DNAH14: variants seen among roughly 807,000 people sequenced by gnomAD.
The protein encoded by DNAH14 is dynein axonemal heavy chain 14.
Under a neutral mutation model 520.9 loss-of-function variants are expected in DNAH14, and 478 were observed. The ratio of observed to expected loss-of-function variants is 0.92; its 90% CI spans 0.85 to 0.99. The LOEUF is 0.99. Among genes scored for constraint, DNAH14 ranks in the 50% least tolerant of loss-of-function variants. The probability of loss-of-function intolerance (pLI) is 0.00; values close to 1 mark genes in which losing one functional copy is unlikely to be tolerated. For missense variants in DNAH14, 4,831 were observed against 5,234.5 expected (o/e 0.92, Z 2.38); for synonymous variants, 1,581 against 1,757.2 (o/e 0.90, Z 2.51).
intron 72 of DNAH14, among the ~76,000 whole-genome samples, chr1:225,352,549 G>A (rs958033820): frequency 2.6e-5 from 4 of 152,054 alleles, no homozygotes; most frequent in Non-Finnish European, 4.4e-5. Flanking sequence ...CTGCCAAGTT[G>A]CTTTCTTGAA....
intron 85 of DNAH14, among the ~76,000 whole-genome samples, 187 bp from the exon 86 acceptor site, chr1:225,398,867 T>G (rs548474451): frequency 2.0e-5 from 3 of 152,186 alleles, no homozygotes; most frequent in African/African-American, 7.2e-5. Flanking sequence ...CTCAATAATA[T>G]GTACTATAAA....
intron 23 of DNAH14, among the ~76,000 whole-genome samples, chr1:225,113,613 TGG>T (rs1208979816): frequency 1.3e-5 from 2 of 152,330 alleles, no homozygotes; most frequent in Middle Eastern, 3.4e-3. Context: ...AGATGCCATC[TGG>T]GAACCAGTAT....
At chr1:225,287,619 CTG>C (rs1278242736) in intron 54 of DNAH14, among the ~76,000 whole-genome samples, 1 of 152,074 alleles carries the variant, frequency 6.6e-6, no homozygotes, top group Non-Finnish European at 1.5e-5. Context: ...TATTTATTTG[CTG>C]TGTCAGCTGG....
At chr1:225,292,440 T>C (rs1044979946) in intron 55 of DNAH14, among the ~76,000 whole-genome samples, 6 of 152,178 alleles carry the variant, frequency 3.9e-5, no homozygotes, top group African/African-American at 1.2e-4. Context: ...GGTACTCTAT[T>C]CTATTCCATT....
At chr1:224,954,244 A>G (rs1015136990) in intron 2 of DNAH14, among the ~76,000 whole-genome samples, 8 of 152,186 alleles carry the variant, frequency 5.3e-5, no homozygotes, top group Admixed American at 4.6e-4. Context: ...TAAATGATCT[A>G]TAAATAAGTT....
Position 225,346,462 on chromosome 1 carries a change from T to G in DNAH14, c.11104T>G (p.Ser3702Ala). 1 of 1,545,230 alleles carries G rather than the reference T, an allele frequency of 6.5e-7. No homozygotes were observed. The highest frequency in any genetic ancestry group is 1.2e-5 in the South Asian group (1 of 82,528). ...TGTTATATTTTCCCTATAGGTGGTT[T>G]CTTCAGCTCTATTTAATGAAGATAA... ...MLTKSIFKVV[S>A]SALFNEDKLC... The change falls in exon 71 of 86, where the codon TCT (serine) becomes GCT (alanine). Residue 3702 changes from serine (S) to alanine (A), a missense_variant. Physicochemically the swap from Ser to Ala is moderately conservative, Grantham distance 99 (BLOSUM62 1). Transcript: ENST00000682510.
intron 21 of DNAH14, among the ~76,000 whole-genome samples, chr1:225,087,315 C>T (rs1377708414): frequency 1.3e-5 from 2 of 152,304 alleles, no homozygotes; most frequent in South Asian, 4.1e-4. Flanking sequence ...AACTAATCCA[C>T]CCCTGTGATC....
At chr1:225,336,075 T>TTATA (rs1558442330) in intron 66 of DNAH14, among the ~76,000 whole-genome samples, 1 of 140,096 alleles carries the variant, frequency 7.1e-6, no homozygotes, top group African/African-American at 2.8e-5. Context: ...ACATACATAC[T>TTATA]TATATATACA....
intron 23 of DNAH14, among the ~76,000 whole-genome samples, chr1:225,109,751 A>G (rs10915777): frequency 0.13 from 19,282 of 152,122 alleles, 1,597 homozygotes; most frequent in South Asian, 0.23. Flanking sequence ...ATTGAATAAC[A>G]GTGGGGAAAC....
chr1:225,097,761 G>A (rs1013650798), intron 22 of DNAH14, among the ~76,000 whole-genome samples: 8 of 151,652 alleles, frequency 5.3e-5, no homozygotes, highest in South Asian at 4.2e-4. Context: ...GCGACAGAGC[G>A]AGACTCTGTA....
In DNAH14 at chr1:225,079,565, T is replaced by G; in HGVS notation, c.2766+17T>G. The stretch of plus-strand genomic sequence containing the variant: ...AAAGCCAAGGTAAGTTTTTAGGGTT[T>G]TTTTGGATTTTTTTTTTATTAAAAA... On this transcript the variant is annotated intron_variant, in intron 18 of 85. Coordinates refer to ENST00000682510, the MANE Select transcript of DNAH14 (RefSeq NM_001367479.1). 6.7e-7 allele frequency: 1 copy of G among 1,493,284 alleles called. No homozygotes were observed. The allele number at this position is 1,493,284 out of a possible 1,614,324, so 92.5% of individuals were successfully genotyped here.
At chr1:225,184,774 A>G (rs2084477872) in intron 36 of DNAH14, among the ~76,000 whole-genome samples, 1 of 152,082 alleles carries the variant, frequency 6.6e-6, no homozygotes. Context: ...AGAGAAAGAA[A>G]GAAAGAAAGA....
At chr1:225,335,945 A>G (rs1018456354) in intron 66 of DNAH14, among the ~76,000 whole-genome samples, 22 of 122,044 alleles carry the variant, frequency 1.8e-4, no homozygotes, top group Admixed American at 3.4e-4. Context: ...ATATACATAT[A>G]TGTATATATA....
At chr1:224,963,866 A>G (rs143607790) in intron 4 of DNAH14, among the ~76,000 whole-genome samples, 1 of 152,114 alleles carries the variant, frequency 6.6e-6, no homozygotes, top group African/African-American at 2.4e-5. Flanking sequence ...TTTTAGTCCA[A>G]TGCTGTTTGT....
At chr1:224,966,333 A>G (rs1423766716) in intron 5 of DNAH14, among the ~76,000 whole-genome samples, 1 of 152,154 alleles carries the variant, frequency 6.6e-6, no homozygotes, top group Admixed American at 6.5e-5. Flanking sequence ...GTGATTGGAA[A>G]CCATTTAGTT....
intron 15 of DNAH14, 140 bp from the exon 16 acceptor site, chr1:225,050,070 C>T: frequency 1.5e-6 from 1 of 684,058 alleles, no homozygotes. Context: ...TTTTAAATTC[C>T]AGTTATAAAT....
intron 55 of DNAH14, among the ~76,000 whole-genome samples, chr1:225,296,350 G>T (rs376792796): frequency 6.6e-6 from 1 of 152,068 alleles, no homozygotes; most frequent in Non-Finnish European, 1.5e-5. Flanking sequence ...GTCAAACACC[G>T]TGCCTGGCCA....
chr1:225,370,787 C>T (rs12729445), intron 77 of DNAH14, among the ~76,000 whole-genome samples: 67,282 of 151,502 alleles, frequency 0.44, 16,621 homozygotes, highest in Middle Eastern at 0.62. Context: ...TACAAAAAAC[C>T]GTAAAAGGAA....
At chr1:225,274,197 A>ATTTTT (rs869247051) in intron 52 of DNAH14, among the ~76,000 whole-genome samples, 43 of 92,866 alleles carry the variant, frequency 4.6e-4, no homozygotes, top group Non-Finnish European at 6.5e-4. Flanking sequence ...AGCATCTGTT[A>ATTTTT]TTTTTTTTTT....
Sources: allele counts gnomAD v4.1 joint callset (sites outside exome capture counted in the v4.1 genomes callset), GRCh38; gene constraint gnomAD v4.1.1; transcripts MANE v1.5; gene names NCBI Gene and HGNC (gene_info 2026-07-23, HGNC 2026-07-21).